Variants in ATXN2 observed in about 807,000 individuals in gnomAD.
The protein encoded by ATXN2 is ataxin 2.
ATXN2 carries 37 observed loss-of-function variants against 138.6 expected under a neutral mutation model. That is an observed-to-expected ratio of 0.27 (90% confidence interval 0.21 to 0.35). The LOEUF is 0.35. ATXN2 is among the 10% of genes least tolerant of loss of function. ATXN2 has a pLI of 1.00. For synonymous variants in ATXN2, 549 were observed against 543.7 expected, an observed-to-expected ratio of 1.01 and a Z score of -0.13; for missense variants, 1,216 against 1,480.3, an observed-to-expected ratio of 0.82 and a Z score of 2.93.
intron 1 of ATXN2, among the ~76,000 whole-genome samples, chr12:111,578,843 C>A (rs1766557576): frequency 6.6e-6 from 1 of 151,996 alleles, no homozygotes; most frequent in Admixed American, 6.6e-5. Context: ...GAGTTCAACA[C>A]CACCCAGGGC....
intron 15 of ATXN2, among the ~76,000 whole-genome samples, chr12:111,487,827 T>C (rs1877743027): frequency 6.6e-6 from 1 of 152,106 alleles, no homozygotes; most frequent in Non-Finnish European, 1.5e-5. Context: ...GAAAAAGTCA[T>C]GGCTGTAAAA....
chr12:111,562,373 C>T (rs980373945), intron 1 of ATXN2, among the ~76,000 whole-genome samples: 5 of 151,992 alleles, frequency 3.3e-5, no homozygotes, highest in Non-Finnish European at 7.4e-5. Flanking sequence ...AGTGAACTAT[C>T]ATCATGCCAC....
At chr12:111,490,107 T>A (rs1465087151) in intron 14 of ATXN2, among the ~76,000 whole-genome samples, 1 of 150,536 alleles carries the variant, frequency 6.6e-6, no homozygotes, top group Non-Finnish European at 1.5e-5. Context: ...CTTGGGAGGC[T>A]GACATATGAG....
At position 111,510,440 on chromosome 12, in the gene ATXN2, T is replaced by C. The variant is rs750927516; in HGVS notation, c.1701A>G (p.Ala567=). ...TEAVAMPIPA[A]SPTPASPASN... Reference sequence around the variant, plus strand: ...ATGCAGGACTAGCAGGCGTAGGAGATGCAGCTGGAATAGGCATGGCAACAG... The same window carrying C: ...ATGCAGGACTAGCAGGCGTAGGAGACGCAGCTGGAATAGGCATGGCAACAG... The change falls in exon 12 of 25, where the codon GCA becomes GCG. Residue 567 remains alanine (A), a synonymous_variant. Transcript: ENST00000673436. 8 of 1,614,128 alleles carry C rather than the reference T, an allele frequency of 5.0e-6. No individual in the cohort carries two copies. The highest frequency in any genetic ancestry group is 3.3e-5 in the Admixed American group (2 of 60,012).
chr12:111,575,226 A>G (rs1174312848), intron 1 of ATXN2, among the ~76,000 whole-genome samples: 5 of 152,042 alleles, frequency 3.3e-5, no homozygotes, highest in African/African-American at 1.2e-4. Context: ...ACTGCTGATA[A>G]GAGGGGCTGG....
intron 1 of ATXN2, among the ~76,000 whole-genome samples, chr12:111,568,145 C>T (rs1883119495): frequency 6.6e-6 from 1 of 152,096 alleles, no homozygotes; most frequent in African/African-American, 2.4e-5. Flanking sequence ...CCTGTAATCC[C>T]AGCTACTCAG....
In ATXN2 at chr12:111,552,563, T is replaced by A; in HGVS notation, c.421-133A>T. The stretch of plus-strand genomic sequence containing the variant: ...AATCTCAAGAGAATCATACCCTTTT[T>A]CCCAGGCATATGATCTATTATCCAT... On this transcript the variant is annotated intron_variant, in intron 4 of 24. Transcript: ENST00000673436. This position sits in a 1 kb window ranked among gnomAD's most constrained non-coding sequence, Gnocchi z 4.1. 2.2e-6 allele frequency: 2 copies of A among 893,438 alleles called. No homozygotes were observed. The highest frequency in any genetic ancestry group is 2.7e-4 in the Middle Eastern group (1 of 3,762). 55.3% of individuals were successfully genotyped at this position (893,438 alleles called of 1,614,324 possible). A position where few individuals can be genotyped will look rare whatever the true frequency, so the allele number is the denominator to read the frequency against.
rs180983331 is a variant in ATXN2 at position 111,580,098 on chromosome 12, G to A, written c.251+18686C>T. Among the ~76,000 whole-genome samples, 217 of 152,194 alleles carry A rather than the reference G, an allele frequency of 1.4e-3. 1 individual carries two copies. The highest frequency in any genetic ancestry group is 3.8e-3 in the Admixed American group (58 of 15,264). ...CAAGTAGCTGGGACTATGGGTGCAC[G>A]CCATCACACCTAGCCATTTTGTGAA... On this transcript the variant is annotated intron_variant, in intron 1 of 24. Transcript: ENST00000673436.
intron 14 of ATXN2, among the ~76,000 whole-genome samples, chr12:111,493,418 CAAAAAAAAAAAA>C (rs59185968): frequency 8.8e-5 from 4 of 45,646 alleles, no homozygotes; most frequent in Non-Finnish European, 1.6e-4. Context: ...GACTCTGTCT[CAAAAAAAAAAAA>C]AAAAAAAAAA....
intron 1 of ATXN2, among the ~76,000 whole-genome samples, chr12:111,560,454 T>C (rs947711251): frequency 1.3e-5 from 2 of 152,106 alleles, no homozygotes; most frequent in African/African-American, 2.4e-5. Flanking sequence ...AAGAAATGAC[T>C]ACACAGCATC....
intron 20 of ATXN2, among the ~76,000 whole-genome samples, chr12:111,466,274 G>A (rs1004486123): frequency 4.0e-5 from 6 of 151,858 alleles, no homozygotes; most frequent in Middle Eastern, 6.8e-3. Flanking sequence ...TGAGGCAGGC[G>A]GATCACGAGG....
chr12:111,598,592 C>G lies in ATXN2; in HGVS notation c.251+192G>C. Reference sequence around the variant, plus strand: ...GCTGCGGGAGGCTGGACAGGCCTGACAATCCCAGAGGACCCCGGCTGCGCC... The same window carrying G: ...GCTGCGGGAGGCTGGACAGGCCTGAGAATCCCAGAGGACCCCGGCTGCGCC... On this transcript the variant is annotated intron_variant, in intron 1 of 24. Coordinates refer to ENST00000673436, the MANE Select transcript of ATXN2 (RefSeq NM_001372574.1). The surrounding 1 kb of genome is among the most constrained non-coding windows in gnomAD (Gnocchi z 4.5). 4.1e-6 allele frequency: 4 copies of G among 981,872 alleles called. No homozygotes were observed. The highest frequency in any genetic ancestry group is 4.8e-6 in the Non-Finnish European group (4 of 826,542). The allele number at this position is 981,872 out of a possible 1,614,324, so 60.8% of individuals were successfully genotyped here.
chr12:111,545,153 T>C (rs1881737095), intron 5 of ATXN2, among the ~76,000 whole-genome samples: 1 of 151,684 alleles, frequency 6.6e-6, no homozygotes, highest in South Asian at 2.1e-4. Context: ...CGAGACTCTG[T>C]CTCAAAAACA....
intron 5 of ATXN2, among the ~76,000 whole-genome samples, chr12:111,535,999 C>CAAAA (rs766582583): frequency 0.02 from 1,345 of 65,756 alleles, 73 homozygotes; most frequent in African/African-American, 0.052. Context: ...GACTCCGTCT[C>CAAAA]AAAAAAAAAA....
At chr12:111,560,756 CA>C (rs554624107) in intron 1 of ATXN2, among the ~76,000 whole-genome samples, 30 of 132,276 alleles carry the variant, frequency 2.3e-4, no homozygotes, top group East Asian at 2.5e-4. Flanking sequence ...TTTTCAACAA[CA>C]AAAAAAAAAA....
intron 5 of ATXN2, among the ~76,000 whole-genome samples, chr12:111,527,984 C>A (rs1270373636): frequency 6.6e-6 from 1 of 152,110 alleles, no homozygotes; most frequent in Non-Finnish European, 1.5e-5. Context: ...TCCTGAAATC[C>A]CTTTAATTCT....
At position 111,509,610 on chromosome 12, in the gene ATXN2, G is replaced by A. The variant is rs1263002956; in HGVS notation, c.1874C>T (p.Pro625Leu). 1 of 1,489,780 alleles carries A rather than the reference G, an allele frequency of 6.7e-7. No homozygotes were observed. Among genetic ancestry groups the A allele is most frequent in the Non-Finnish European group, 9.2e-7 (1 of 1,082,706 alleles). 92.3% of individuals were successfully genotyped at this position (1,489,780 alleles called of 1,614,324 possible). A position where few individuals can be genotyped will look rare whatever the true frequency, so the allele number is the denominator to read the frequency against. Residue 625 changes from proline (P) to leucine (L), a missense_variant, in exon 14 of 25, where the codon CCA (proline) becomes CTA (leucine). By Grantham distance (98) the Pro-to-Leu change is moderately conservative. Coordinates refer to ENST00000673436, the MANE Select transcript of ATXN2 (RefSeq NM_001372574.1). ...FSKAENKGIS[P>L]VVSEHRKQID... Reference sequence around the variant, plus strand: ...CTGTTTTCTATGTTCAGAAACAACTGGTGATATACCTGTAAAATTAAGAAC... The same window carrying A: ...CTGTTTTCTATGTTCAGAAACAACTAGTGATATACCTGTAAAATTAAGAAC...
chr12:111,599,066 G>T lies in ATXN2; in HGVS notation c.-32C>A. On this transcript the variant is annotated 5_prime_UTR_variant, in exon 1 of 25. Transcript: ENST00000673436. ...GGGCCCATACACCGGCTCGCACGCC[G>T]GGCGGGGACAGCCGGGAGCCGGGCG... 2 of 1,432,832 alleles carry T rather than the reference G, an allele frequency of 1.4e-6. No individual in the cohort carries two copies. Among genetic ancestry groups the T allele is most frequent in the South Asian group, 2.8e-5 (2 of 72,656 alleles). 88.8% of individuals were successfully genotyped at this position (1,432,832 alleles called of 1,614,324 possible).
intron 1 of ATXN2, among the ~76,000 whole-genome samples, chr12:111,571,477 T>TA (rs1166267147): frequency 2.0e-5 from 3 of 152,008 alleles, no homozygotes; most frequent in Non-Finnish European, 4.4e-5. Flanking sequence ...GGCTAGATCT[T>TA]AAAGGGTAAG....
Sources: allele counts gnomAD v4.1 joint callset (sites outside exome capture counted in the v4.1 genomes callset), GRCh38; gene constraint gnomAD v4.1.1; non-coding constraint Gnocchi (gnomAD v3.1); transcripts MANE v1.5; gene names NCBI Gene and HGNC (gene_info 2026-07-23, HGNC 2026-07-21).